Variants in CCDC91 observed in about 807,000 individuals in gnomAD.
The protein encoded by CCDC91 is coiled-coil domain containing 91, also known as coiled-coil domain-containing protein 91.
A neutral mutation model predicts 63.2 loss-of-function variants in CCDC91; 48 were observed. The ratio of observed to expected loss-of-function variants is 0.76; its 90% CI spans 0.60 to 0.97. The LOEUF (loss-of-function observed/expected upper bound fraction) is 0.97. CCDC91 is among the 50% of genes least tolerant of loss of function. CCDC91 has a pLI of 0.00. For synonymous variants in CCDC91, 167 were observed against 165.8 expected, an observed-to-expected ratio of 1.01 and a Z score of -0.06; for missense variants, 500 against 494.6, an observed-to-expected ratio of 1.01 and a Z score of -0.10.
intron 7 of CCDC91, among the ~76,000 whole-genome samples, chr12:28,381,244 AC>A (rs796782216): frequency 9.2e-5 from 14 of 152,174 alleles, no homozygotes; most frequent in African/African-American, 3.4e-4. Context: ...TCTGATTGCA[AC>A]CCAATATTAA....
intron 11 of CCDC91, among the ~76,000 whole-genome samples, chr12:28,460,867 A>G (rs894811436): frequency 1.1e-4 from 17 of 151,764 alleles, no homozygotes; most frequent in African/African-American, 3.9e-4. Context: ...AGTAGGTGAA[A>G]ATTTTTAGCT....
chr12:28,259,462 A>C lies in CCDC91; in HGVS notation c.109+20A>C. The C allele has an allele frequency of 9.4e-7, 1 of 1,060,866 alleles. No individual in the cohort carries two copies. The highest frequency in any genetic ancestry group is 1.4e-6 in the Non-Finnish European group (1 of 729,728). The allele number at this position is 1,060,866 out of a possible 1,614,324, so 65.7% of individuals were successfully genotyped here. On this transcript the variant is annotated intron_variant, in intron 3 of 12. Coordinates refer to ENST00000536442, the MANE Select transcript of CCDC91 (RefSeq NM_018318.5). ...CTGCAGGTATTGGTATCCAGGAATT[A>C]GGGTTTTTTTTTTTTTTTTTCCCAT...
At chr12:28,319,581 T>C in intron 6 of CCDC91, 1 of 171,888 alleles carries the variant, frequency 5.8e-6, no homozygotes, top group Non-Finnish European at 1.2e-5. Flanking sequence ...GGCATAGTAT[T>C]TGCATATAAC....
At chr12:28,528,262 A>G (rs77140898) in intron 12 of CCDC91, among the ~76,000 whole-genome samples, 6,464 of 152,084 alleles carry the variant, frequency 0.043, 170 homozygotes, top group South Asian at 0.12. Flanking sequence ...GACCCTAGCA[A>G]GCCCACAGGG....
chr12:28,355,172 GC>G (rs1943441104), intron 6 of CCDC91, among the ~76,000 whole-genome samples: 1 of 151,882 alleles, frequency 6.6e-6, no homozygotes, highest in Non-Finnish European at 1.5e-5. Context: ...AAGGCTCCAT[GC>G]CTTTGAAGAT....
At chr12:28,240,450 G>T (rs563319554) in intron 1 of CCDC91, among the ~76,000 whole-genome samples, 66 of 152,092 alleles carry the variant, frequency 4.3e-4, no homozygotes, top group Admixed American at 3.0e-3. Context: ...CTATTCTTCT[G>T]TCAGGTCATT....
chr12:28,467,075 A>G (rs1950582123), intron 11 of CCDC91, among the ~76,000 whole-genome samples: 1 of 152,090 alleles, frequency 6.6e-6, no homozygotes, highest in Non-Finnish European at 1.5e-5. Flanking sequence ...GGAGACTACA[A>G]AACAACCACA....
intron 8 of CCDC91, among the ~76,000 whole-genome samples, chr12:28,409,214 C>G (rs1276181353): frequency 6.6e-6 from 1 of 152,028 alleles, no homozygotes; most frequent in Non-Finnish European, 1.5e-5. Flanking sequence ...TTAGCTGTAC[C>G]TGTTTTTGTC....
At chr12:28,412,237 T>A (rs961580941) in intron 8 of CCDC91, among the ~76,000 whole-genome samples, 8 of 152,188 alleles carry the variant, frequency 5.3e-5, no homozygotes, top group African/African-American at 1.4e-4. Context: ...TCTGAATGTG[T>A]TCCTGTCATT....
At chr12:28,204,495 T>C (rs1942698220) in intron 1 of CCDC91, among the ~76,000 whole-genome samples, 1 of 152,178 alleles carries the variant, frequency 6.6e-6, no homozygotes, top group Non-Finnish European at 1.5e-5. Context: ...GAATGCAAAA[T>C]TAGCAATTCC....
chr12:28,198,789 G>A (rs2121384388), intron 1 of CCDC91, among the ~76,000 whole-genome samples: 1 of 151,588 alleles, frequency 6.6e-6, no homozygotes, highest in Admixed American at 6.6e-5. Flanking sequence ...TAGTATTTAT[G>A]TCTGTCATTT....
At chr12:28,291,125 A>G (rs1039225890) in intron 3 of CCDC91, among the ~76,000 whole-genome samples, 3 of 152,178 alleles carry the variant, frequency 2.0e-5, no homozygotes, top group African/African-American at 7.2e-5. Flanking sequence ...CAATCAACAC[A>G]TTTTTGCCAA....
intron 1 of CCDC91, among the ~76,000 whole-genome samples, chr12:28,194,463 G>A (rs1472855455): frequency 1.3e-5 from 2 of 152,148 alleles, no homozygotes; most frequent in Non-Finnish European, 2.9e-5. Flanking sequence ...AAGTTCAGAT[G>A]TGTCTGGAGT....
At chr12:28,451,374 A>G (rs1406299336) in intron 10 of CCDC91, among the ~76,000 whole-genome samples, 3 of 151,774 alleles carry the variant, frequency 2.0e-5, no homozygotes, top group East Asian at 1.9e-4. Context: ...GAGTCAACAT[A>G]TATGTTTGAT....
intron 8 of CCDC91, among the ~76,000 whole-genome samples, chr12:28,412,563 C>T (rs762566168): frequency 2.3e-4 from 35 of 152,098 alleles, no homozygotes; most frequent in Non-Finnish European, 1.2e-4. Context: ...CGGACCTTCA[C>T]GGTGAGTGTT....
rs1489132483 is a variant in CCDC91 at position 28,314,974 on chromosome 12, TA to T, written c.576+7229del. Reference sequence around the variant, plus strand: ...ATTATTCAATCCATAGGTTAAATACTAAAATTTGGAAGACCTCTTTGTCAAA... The same window carrying T: ...ATTATTCAATCCATAGGTTAAATACTAAATTTGGAAGACCTCTTTGTCAAA... On this transcript the variant is annotated intron_variant, in intron 6 of 12. Coordinates refer to ENST00000536442, the MANE Select transcript of CCDC91 (RefSeq NM_018318.5). 2.0e-5 allele frequency among the ~76,000 whole-genome samples: 3 copies of T among 151,950 alleles called. No individual in the cohort carries two copies. In the East Asian group the frequency reaches 5.8e-4, roughly 30 times the overall value.
chr12:28,235,881 A>G (rs536965505), intron 1 of CCDC91, among the ~76,000 whole-genome samples: 7 of 152,150 alleles, frequency 4.6e-5, no homozygotes, highest in African/African-American at 1.4e-4. Flanking sequence ...ATTGTTAAAT[A>G]TAGTGTCTTA....
chr12:28,262,588 G>C (rs1321642652), intron 3 of CCDC91, among the ~76,000 whole-genome samples: 1 of 151,984 alleles, frequency 6.6e-6, no homozygotes, highest in Non-Finnish European at 1.5e-5. Flanking sequence ...CTTACTGTAT[G>C]TTAGCATTAT....
intron 7 of CCDC91, 73 bp from the exon 8 acceptor site, chr12:28,391,231 A>G: frequency 3.5e-6 from 3 of 856,262 alleles, no homozygotes; most frequent in Non-Finnish European, 3.9e-6. Context: ...ACAACTGTCA[A>G]AAATATTCTC....
Sources: allele counts gnomAD v4.1 joint callset (sites outside exome capture counted in the v4.1 genomes callset), GRCh38; gene constraint gnomAD v4.1.1; transcripts MANE v1.5; gene names NCBI Gene and HGNC (gene_info 2026-07-23, HGNC 2026-07-21).